UBAC2: variants seen among roughly 807,000 people sequenced by gnomAD.
UBAC2 encodes the protein ubiquitin-associated domain-containing protein 2.
A neutral mutation model predicts 44.0 loss-of-function variants in UBAC2; 26 were observed. The observed-to-expected ratio is 0.59, with a 90% CI of 0.43 to 0.82. The LOEUF (loss-of-function observed/expected upper bound fraction) is 0.82. UBAC2 is among the 40% of genes least tolerant of loss of function. The probability of loss-of-function intolerance (pLI) is 0.00; values close to 1 mark genes in which losing one functional copy is unlikely to be tolerated. For missense variants in UBAC2, 329 were observed against 419.4 expected, an observed-to-expected ratio of 0.78 and a Z score of 1.88; for synonymous variants, 155 against 154.3, an observed-to-expected ratio of 1.00 and a Z score of -0.04.
At chr13:99,270,690 A>G (rs1396628612) in intron 4 of UBAC2, among the ~76,000 whole-genome samples, 1 of 152,244 alleles carries the variant, frequency 6.6e-6, no homozygotes, top group Non-Finnish European at 1.5e-5. Flanking sequence ...CTGAAGAAGA[A>G]TAAAAATAAG....
intron 6 of UBAC2, among the ~76,000 whole-genome samples, chr13:99,323,133 C>T (rs548426008): frequency 1.3e-5 from 2 of 152,172 alleles, no homozygotes; most frequent in East Asian, 3.9e-4. Context: ...TCCGTGCTTC[C>T]TTTTCTCCTA....
At position 99,306,256 on chromosome 13, in the gene UBAC2, G is replaced by A. The variant is rs115460505; in HGVS notation, c.390-7841G>A. ...ATCTGTTGGATTCACCCTCTGGTAC[G>A]TCAGTGGCCAGAGAGATGGGAGAAG... On this transcript the variant is annotated intron_variant, in intron 4 of 8. Transcript: ENST00000403766. 2.9e-3 allele frequency among the ~76,000 whole-genome samples: 443 copies of A among 152,242 alleles called. 2 individuals are homozygous for A. Among genetic ancestry groups the A allele is most frequent in the African/African-American group, 0.01 (427 of 41,532 alleles).
intron 8 of UBAC2, 149 bp downstream of exon 8, chr13:99,368,055 T>C: frequency 1.0e-6 from 1 of 976,730 alleles, no homozygotes; most frequent in Non-Finnish European, 1.5e-6. Flanking sequence ...GACTTTGGGC[T>C]TTTTTTTGGC....
intron 4 of UBAC2, chr13:99,255,429 C>T (rs2043532073): frequency 2.5e-6 from 4 of 1,613,984 alleles, no homozygotes; most frequent in Non-Finnish European, 3.4e-6. Flanking sequence ...TGGTCAGGGT[C>T]ATTATCCAGA....
chr13:99,249,150 G>A (rs572338464), intron 4 of UBAC2, among the ~76,000 whole-genome samples: 1 of 152,236 alleles, frequency 6.6e-6, no homozygotes, highest in East Asian at 1.9e-4. Flanking sequence ...GTATCCAGTA[G>A]TTAGTTTTTC....
chr13:99,217,473 T>G (rs1566451494), intron 1 of UBAC2, among the ~76,000 whole-genome samples: 1 of 152,196 alleles, frequency 6.6e-6, no homozygotes, highest in Non-Finnish European at 1.5e-5. Context: ...GACCCTCTTG[T>G]GTGGCCTGGG....
intron 1 of UBAC2, among the ~76,000 whole-genome samples, chr13:99,221,252 T>G (rs1308875996): frequency 1.3e-5 from 2 of 152,254 alleles, no homozygotes; most frequent in East Asian, 3.8e-4. Flanking sequence ...ATGGATTTCT[T>G]GGATCTGTGT....
intron 1 of UBAC2, among the ~76,000 whole-genome samples, chr13:99,207,144 G>C (rs766514502): frequency 1.3e-5 from 2 of 152,210 alleles, no homozygotes; most frequent in Non-Finnish European, 2.9e-5. Context: ...CCTGAGTTGG[G>C]AGTCTTTACC....
At chr13:99,234,289 T>C in intron 1 of UBAC2, 1 of 274,220 alleles carries the variant, frequency 3.6e-6, no homozygotes, top group South Asian at 2.6e-5. Context: ...TTCAAGCGAT[T>C]CAAGTGATTC....
intron 7 of UBAC2, among the ~76,000 whole-genome samples, chr13:99,347,101 G>A (rs2044995199): frequency 6.9e-6 from 1 of 145,188 alleles, no homozygotes; most frequent in Non-Finnish European, 1.5e-5. Context: ...CACATGGTGA[G>A]ACCCCCATCT....
chr13:99,257,254 C>T (rs368786123), intron 4 of UBAC2, among the ~76,000 whole-genome samples: 1 of 152,186 alleles, frequency 6.6e-6, no homozygotes, highest in African/African-American at 2.4e-5. Flanking sequence ...GAAAGTGCTA[C>T]AGAGAAAAAT....
chr13:99,291,962 A>G (rs2044094383), intron 4 of UBAC2, among the ~76,000 whole-genome samples: 1 of 152,194 alleles, frequency 6.6e-6, no homozygotes, highest in African/African-American at 2.4e-5. Flanking sequence ...CCCACAGCTT[A>G]GCCAAGTTTA....
At chr13:99,201,463 A>G (rs1394076170) in intron 1 of UBAC2, 1 of 1,614,132 alleles carries the variant, frequency 6.2e-7, no homozygotes. Flanking sequence ...ACACACACTG[A>G]TGAGAGTGCT....
intron 2 of UBAC2, among the ~76,000 whole-genome samples, chr13:99,242,695 C>T (rs1281298405): frequency 1.6e-5 from 1 of 63,752 alleles, no homozygotes; most frequent in Non-Finnish European, 3.4e-5. Flanking sequence ...ACCCCCCCCA[C>T]CTCCCTCCCC....
At chr13:99,360,835 C>T (rs1334945075) in intron 7 of UBAC2, among the ~76,000 whole-genome samples, 3 of 152,172 alleles carry the variant, frequency 2.0e-5, no homozygotes, top group Non-Finnish European at 4.4e-5. Context: ...TTGCATTGTT[C>T]TGGCTTTTCC....
Position 99,295,108 on chromosome 13 carries a change from C to T in UBAC2, c.390-18989C>T, listed in dbSNP as rs371360790. 3.7e-6 allele frequency: 6 copies of T among 1,614,080 alleles called. No homozygotes were observed. The East Asian group carries it at 6.7e-5, about 18-fold the overall frequency. ...AATGTATCATCATCTGCGTTTCTGT[C>T]ATTTCACGTGAATTTTCTTCAGGGG... is the stretch of plus-strand genomic sequence containing the variant. On this transcript the variant is annotated intron_variant, in intron 4 of 8. Coordinates refer to ENST00000403766, the MANE Select transcript of UBAC2 (RefSeq NM_001144072.2). The surrounding 1 kb of genome is among the most constrained non-coding windows in gnomAD (Gnocchi z 4.1).
At chr13:99,267,860 T>C (rs2043763687) in intron 4 of UBAC2, among the ~76,000 whole-genome samples, 2 of 152,214 alleles carry the variant, frequency 1.3e-5, no homozygotes, top group African/African-American at 2.4e-5. Context: ...AACAAACCGC[T>C]GACACAGTGG....
chr13:99,350,734 C>T (rs1008539374), intron 7 of UBAC2, among the ~76,000 whole-genome samples: 1 of 152,210 alleles, frequency 6.6e-6, no homozygotes, highest in Non-Finnish European at 1.5e-5. Flanking sequence ...AGGAGTGGAC[C>T]ACGGGAACCC....
At chr13:99,315,155 A>G (rs1026118164) in intron 5 of UBAC2, among the ~76,000 whole-genome samples, 6 of 152,082 alleles carry the variant, frequency 3.9e-5, no homozygotes, top group Admixed American at 3.9e-4. Flanking sequence ...ACCGTTTCTC[A>G]TGAAATCTTT....
Sources: allele counts gnomAD v4.1 joint callset (sites outside exome capture counted in the v4.1 genomes callset), GRCh38; gene constraint gnomAD v4.1.1; non-coding constraint Gnocchi (gnomAD v3.1); transcripts MANE v1.5; gene names NCBI Gene and HGNC (gene_info 2026-07-23, HGNC 2026-07-21).